HEATR5A: variants seen among roughly 807,000 people sequenced by gnomAD.
The protein encoded by HEATR5A is HEAT repeat-containing protein 5A.
In HEATR5A, 178 loss-of-function variants were observed where a neutral mutation model predicts 218.8. The observed-to-expected ratio is 0.81, with a 90% CI of 0.72 to 0.92. HEATR5A has a LOEUF of 0.92. Ranked by LOEUF, HEATR5A falls within the 40% of genes least tolerant of loss-of-function variation. The probability of loss-of-function intolerance (pLI) is 0.00; values close to 1 mark genes in which losing one functional copy is unlikely to be tolerated. For missense variants in HEATR5A, 2,420 were observed against 2,418.9 expected (o/e 1.00, Z -0.01); for synonymous variants, 864 against 871.6 (o/e 0.99, Z 0.15).
intron 28 of HEATR5A, among the ~76,000 whole-genome samples, chr14:31,311,070 C>T (rs1472699282): frequency 4.2e-5 from 6 of 141,186 alleles, no homozygotes; most frequent in Non-Finnish European, 8.0e-5. Flanking sequence ...ACCAACCAAC[C>T]AACCAAATAC....
intron 1 of HEATR5A, among the ~76,000 whole-genome samples, chr14:31,411,932 T>G (rs1183827075): frequency 6.6e-6 from 1 of 152,134 alleles, no homozygotes; most frequent in Non-Finnish European, 1.5e-5. Flanking sequence ...CTTGGCTCAT[T>G]GCAAGCACTG....
At chr14:31,321,445 T>C (rs1029284210) in intron 25 of HEATR5A, 54 bp downstream of exon 25, 15 of 1,410,242 alleles carry the variant, frequency 1.1e-5, no homozygotes, top group Admixed American at 2.3e-5. Context: ...CCTGGCCTCA[T>C]AGACTTTTTA....
intron 14 of HEATR5A, among the ~76,000 whole-genome samples, chr14:31,360,981 T>C (rs1901598017): frequency 6.6e-6 from 1 of 152,162 alleles, no homozygotes; most frequent in Non-Finnish European, 1.5e-5. Context: ...TTAATACGTG[T>C]TGGGAAATGT....
In HEATR5A at chr14:31,309,164, G is replaced by T. The variant is rs757014948; in HGVS notation, c.4460C>A (p.Ala1487Glu). Reference sequence around the variant, plus strand: ...CAATTTTGCATTTTCACTAGTCTCTGCTGTGTAGAAAGCACCACCTAAAGC... The same window carrying T: ...CAATTTTGCATTTTCACTAGTCTCTTCTGTGTAGAAAGCACCACCTAAAGC... ...LPAEGGAFYT[A>E]ETSENAKLHY... Residue 1487 changes from alanine (A) to glutamate (E), a missense_variant, in exon 29 of 36, where the codon GCA (alanine) becomes GAA (glutamate). Ala to Glu is a moderately radical substitution (Grantham distance 107). Coordinates refer to ENST00000543095, the MANE Select transcript of HEATR5A (RefSeq NM_015473.4). 1 of 1,613,816 alleles carries T rather than the reference G, an allele frequency of 6.2e-7. No homozygotes were observed.
At chr14:31,382,676 A>G (rs1253525296) in intron 10 of HEATR5A, among the ~76,000 whole-genome samples, 1 of 151,588 alleles carries the variant, frequency 6.6e-6, no homozygotes, top group Non-Finnish European at 1.5e-5. Flanking sequence ...TGTGTCATTT[A>G]TTTGTCTGAT....
Position 31,329,561 on chromosome 14 carries a change from CCT to C in HEATR5A, c.3368-3221_3368-3220del, listed in dbSNP as rs139863962. Reference sequence around the variant, plus strand: ...GGAACACTGATGCAAGAGGTGGGCTCCTACAGCCTTGGGCAGCTCCACCCTGT... The same window carrying C: ...GGAACACTGATGCAAGAGGTGGGCTCACAGCCTTGGGCAGCTCCACCCTGT... On this transcript the variant is annotated intron_variant, in intron 22 of 35. Transcript: ENST00000543095. 9.8e-3 allele frequency among the ~76,000 whole-genome samples: 1,499 copies of C among 152,288 alleles called. 18 individuals are homozygous for C. The highest frequency in any genetic ancestry group is 0.034 in the African/African-American group (1,423 of 41,540).
intron 22 of HEATR5A, among the ~76,000 whole-genome samples, chr14:31,330,465 A>G (rs1900425612): frequency 1.3e-5 from 2 of 152,078 alleles, no homozygotes; most frequent in Admixed American, 1.3e-4. Flanking sequence ...CATGCCCTGG[A>G]GACATTTTCT....
chr14:31,337,415 T>C, intron 22 of HEATR5A, 61 bp downstream of exon 22: 1 of 1,391,446 alleles, frequency 7.2e-7, no homozygotes, highest in Middle Eastern at 1.8e-4. Context: ...CATGTATATA[T>C]GGAAAATTTA....
intron 6 of HEATR5A, among the ~76,000 whole-genome samples, chr14:31,391,994 G>A (rs2030473072): frequency 6.6e-6 from 1 of 152,140 alleles, no homozygotes; most frequent in Admixed American, 6.5e-5. Flanking sequence ...ATTAAGCTAT[G>A]CATGACTGCA....
At chr14:31,366,825 A>C (rs1489596505) in intron 13 of HEATR5A, among the ~76,000 whole-genome samples, 1 of 152,204 alleles carries the variant, frequency 6.6e-6, no homozygotes, top group African/African-American at 2.4e-5. Context: ...CAAGGATCTG[A>C]GACTAGGCTT....
At chr14:31,352,104 T>C (rs1376353802) in intron 16 of HEATR5A, among the ~76,000 whole-genome samples, 1 of 152,210 alleles carries the variant, frequency 6.6e-6, no homozygotes, top group Non-Finnish European at 1.5e-5. Flanking sequence ...ATTAAATACA[T>C]GTAACCATAA....
chr14:31,386,423 T>A lies in HEATR5A; in HGVS notation c.1342A>T (p.Thr448Ser), dbSNP rs775278004. 38 of 1,613,272 alleles carry A rather than the reference T, an allele frequency of 2.4e-5. No homozygotes were observed. In the Middle Eastern group the frequency reaches 4.9e-4, roughly 21 times the overall value. Residue 448 changes from threonine (T) to serine (S), a missense_variant, in exon 9 of 36, where the codon ACA becomes TCA. Coordinates refer to ENST00000543095, the MANE Select transcript of HEATR5A (RefSeq NM_015473.4). ...AATGAGTCACAAACAGATATACCTG[T>A]ACTTGAATCCTGTAGCAAAGGTGCC... The part of the protein sequence containing the change: ...TAAPLLQDSS[T>S]GLLDSILSVI...
chr14:31,317,657 T>C lies in HEATR5A; in HGVS notation c.4038+567A>G, dbSNP rs549391381. 3.3e-5 allele frequency among the ~76,000 whole-genome samples: 5 copies of C among 152,332 alleles called. No individual in the cohort carries two copies. In the East Asian group the frequency reaches 9.6e-4, roughly 29 times the overall value. On this transcript the variant is annotated intron_variant, in intron 26 of 35. Coordinates refer to ENST00000543095, the MANE Select transcript of HEATR5A (RefSeq NM_015473.4). ...AGAAAAGCAACTGTTTAAAATTGTATATTGTATGGCTCTTAAGTATATGAA... is the reference window on the plus strand; with the variant it reads ...AGAAAAGCAACTGTTTAAAATTGTACATTGTATGGCTCTTAAGTATATGAA...
At chr14:31,384,855 T>C (rs2139279198) in intron 9 of HEATR5A, among the ~76,000 whole-genome samples, 1 of 152,074 alleles carries the variant, frequency 6.6e-6, no homozygotes. Flanking sequence ...CTATCCACCA[T>C]GTTGCTCTTA....
intron 14 of HEATR5A, among the ~76,000 whole-genome samples, chr14:31,361,114 T>C (rs529724036): frequency 6.6e-6 from 1 of 152,236 alleles, no homozygotes; most frequent in Non-Finnish European, 1.5e-5. Context: ...GATGATCACA[T>C]AGCTGTCAGA....
intron 21 of HEATR5A, among the ~76,000 whole-genome samples, chr14:31,339,749 C>T (rs1189493016): frequency 6.6e-6 from 1 of 151,920 alleles, no homozygotes; most frequent in African/African-American, 2.4e-5. Flanking sequence ...TAATGTAATC[C>T]CATGTTTAGA....
chr14:31,332,879 G>A (rs185472509), intron 22 of HEATR5A, among the ~76,000 whole-genome samples: 5 of 151,976 alleles, frequency 3.3e-5, no homozygotes, highest in Admixed American at 1.3e-4. Context: ...CCACCTACTC[G>A]GGAGGCTGAG....
At chr14:31,318,397 T>C (rs1458677095) in intron 25 of HEATR5A, 105 bp from the exon 26 acceptor site, 5 of 887,490 alleles carry the variant, frequency 5.6e-6, no homozygotes, top group African/African-American at 1.7e-5. Flanking sequence ...ACAGGTATTA[T>C]GGACAGCTGT....
Position 31,402,559 on chromosome 14 carries a change from T to C in HEATR5A, c.126+291A>G, listed in dbSNP as rs115879161. On this transcript the variant is annotated intron_variant, in intron 2 of 35. Transcript: ENST00000543095. ...CACGGAGGAACATAGATGCAGACCA[T>C]AACAAAAACGAAGTATAATAGAAAG... Among the ~76,000 whole-genome samples, 604 of 152,324 alleles carry C rather than the reference T, an allele frequency of 4.0e-3. 3 individuals are homozygous for C. The highest frequency in any genetic ancestry group is 0.013 in the African/African-American group (543 of 41,578).
Sources: allele counts gnomAD v4.1 joint callset (sites outside exome capture counted in the v4.1 genomes callset), GRCh38; gene constraint gnomAD v4.1.1; transcripts MANE v1.5; gene names NCBI Gene and HGNC (gene_info 2026-07-23, HGNC 2026-07-21).